Variants in GREM2 observed in about 807,000 individuals in gnomAD.
GREM2 encodes gremlin-2.
Under a neutral mutation model 14.2 loss-of-function variants are expected in GREM2, and 11 were observed. The ratio of observed to expected loss-of-function variants is 0.78; its 90% CI spans 0.49 to 1.28. The LOEUF (loss-of-function observed/expected upper bound fraction) is 1.28. Among genes scored for constraint, GREM2 ranks in the 50% most tolerant of loss-of-function variants. The pLI is 0.00. For synonymous variants in GREM2, 98 were observed against 97.6 expected (o/e 1.00, Z -0.02); for missense variants, 210 against 218.5 (o/e 0.96, Z 0.24).
Position 240,599,242 on chromosome 1 carries a change from G to A in GREM2, c.-2+12642C>T, listed in dbSNP as rs565095879. Among the ~76,000 whole-genome samples, 19 of 150,732 alleles carry A rather than the reference G, an allele frequency of 1.3e-4. No individual in the cohort carries two copies. The South Asian group carries it at 3.0e-3, about 24-fold the overall frequency. On this transcript the variant is annotated intron_variant, in intron 1 of 1. Transcript: ENST00000318160. ...AAGATCATGCCACTCCACTTCAGCC[G>A]GGGCAACAGAGTGAGACTCTGTCTC... is the stretch of plus-strand genomic sequence containing the variant.
chr1:240,565,846 C>CAAAAA (rs57078582), intron 1 of GREM2, among the ~76,000 whole-genome samples: 3 of 94,152 alleles, frequency 3.2e-5, no homozygotes, highest in Non-Finnish European at 2.3e-5. Context: ...ACTCTGTCTC[C>CAAAAA]AAAAAAAAAA....
chr1:240,546,836 G>A lies in GREM2; in HGVS notation c.-1-53360C>T, dbSNP rs114832244. The stretch of plus-strand genomic sequence containing the variant: ...CTAGCATCTTACATGTCAGTAACAC[G>A]AAGAGGTAACTCGTTCTTCAAGGGC... On this transcript the variant is annotated intron_variant, in intron 1 of 1. Transcript: ENST00000318160. Among the ~76,000 whole-genome samples the A allele has an allele frequency of 4.1e-3, 620 of 152,036 alleles. 3 individuals are homozygous for A. Among genetic ancestry groups the A allele is most frequent in the Admixed American group, 0.01 (158 of 15,280 alleles).
At chr1:240,598,554 C>T (rs1679863299) in intron 1 of GREM2, among the ~76,000 whole-genome samples, 1 of 152,190 alleles carries the variant, frequency 6.6e-6, no homozygotes. Flanking sequence ...CAGTCATCAG[C>T]AGTGCTGTCT....
At chr1:240,550,585 C>G (rs1031457650) in intron 1 of GREM2, among the ~76,000 whole-genome samples, 4 of 152,082 alleles carry the variant, frequency 2.6e-5, no homozygotes, top group African/African-American at 9.7e-5. Flanking sequence ...GAATAGGACA[C>G]AATGTAGCAT....
chr1:240,545,659 C>T (rs1572392147), intron 1 of GREM2, among the ~76,000 whole-genome samples: 1 of 152,170 alleles, frequency 6.6e-6, no homozygotes, highest in Non-Finnish European at 1.5e-5. Context: ...TCCAGGGAGA[C>T]AGCGTCAGAA....
intron 1 of GREM2, among the ~76,000 whole-genome samples, chr1:240,505,413 G>A (rs1487981259): frequency 2.6e-5 from 4 of 151,688 alleles, no homozygotes. Context: ...CTTCTTTCTA[G>A]GAAAAAGTAG....
Position 240,543,167 on chromosome 1 carries a change from A to G in GREM2, c.-1-49691T>C, listed in dbSNP as rs996072620. Among the ~76,000 whole-genome samples, 1 of 152,244 alleles carries G rather than the reference A, an allele frequency of 6.6e-6. No individual in the cohort carries two copies. Among genetic ancestry groups the G allele is most frequent in the Non-Finnish European group, 1.5e-5 (1 of 68,042 alleles). ...ATCAGATTGTGGATCACCTAAGGCTAGGGCCAGGCTTGCTTCACTGAAGAC... is the reference window on the plus strand; with the variant it reads ...ATCAGATTGTGGATCACCTAAGGCTGGGGCCAGGCTTGCTTCACTGAAGAC... On this transcript the variant is annotated intron_variant, in intron 1 of 1. Transcript: ENST00000318160. This position sits in a 1 kb window ranked among gnomAD's most constrained non-coding sequence, Gnocchi z 6.4.
chr1:240,519,807 G>A (rs1325295615), intron 1 of GREM2, among the ~76,000 whole-genome samples: 4 of 152,108 alleles, frequency 2.6e-5, no homozygotes, highest in African/African-American at 9.7e-5. Context: ...AAGTCCAGGA[G>A]CGGTGGCTCA....
At position 240,543,147 on chromosome 1, in the gene GREM2, A is replaced by T. The variant is rs1453718496; in HGVS notation, c.-1-49671T>A. Among the ~76,000 whole-genome samples the T allele has an allele frequency of 3.9e-5, 6 of 152,132 alleles. No individual in the cohort carries two copies. Among genetic ancestry groups the T allele is most frequent in the African/African-American group, 1.4e-4 (6 of 41,438 alleles). ...ACTATTATTTTACATCCCCCATCAG[A>T]TTGTGGATCACCTAAGGCTAGGGCC... On this transcript the variant is annotated intron_variant, in intron 1 of 1. Coordinates refer to ENST00000318160, the MANE Select transcript of GREM2 (RefSeq NM_022469.4). The surrounding 1 kb of genome is among the most constrained non-coding windows in gnomAD (Gnocchi z 6.4).
chr1:240,510,921 A>C (rs1024172068), intron 1 of GREM2, among the ~76,000 whole-genome samples: 17 of 152,186 alleles, frequency 1.1e-4, no homozygotes, highest in African/African-American at 3.6e-4. Flanking sequence ...AATTAATTTT[A>C]TTTTGGTTAC....
rs554324644 is a variant in GREM2, at chr1:240,562,889, AGTGT to A, written c.-2+48991_-2+48994del. On this transcript the variant is annotated intron_variant, in intron 1 of 1. Transcript: ENST00000318160. ...ATATGTGAGTGTGTATGTGTGTATGAGTGTGTATGTGTGTATGTATGTCTGTGAG... is the reference window on the plus strand; with the variant it reads ...ATATGTGAGTGTGTATGTGTGTATGAGTATGTGTGTATGTATGTCTGTGAG... Among the ~76,000 whole-genome samples the A allele has an allele frequency of 1.2e-4, 16 of 136,780 alleles. No individual in the cohort carries two copies. In the East Asian group the frequency reaches 3.1e-3, roughly 27 times the overall value. The allele number at this position is 136,780 out of a possible 152,430, so 89.7% of individuals were successfully genotyped here.
intron 1 of GREM2, among the ~76,000 whole-genome samples, chr1:240,539,046 C>A (rs550799297): frequency 6.6e-6 from 1 of 152,064 alleles, no homozygotes; most frequent in Non-Finnish European, 1.5e-5. Context: ...GCTGAGACAC[C>A]ATCTCATGCT....
intron 1 of GREM2, among the ~76,000 whole-genome samples, chr1:240,604,058 G>A (rs1392119431): frequency 1.3e-5 from 2 of 151,706 alleles, no homozygotes; most frequent in East Asian, 2.0e-4. Flanking sequence ...CACACAGTAA[G>A]AGAGGGAGCA....
At chr1:240,604,426 T>A (rs1044072549) in intron 1 of GREM2, among the ~76,000 whole-genome samples, 1 of 152,084 alleles carries the variant, frequency 6.6e-6, no homozygotes, top group African/African-American at 2.4e-5. Flanking sequence ...CTTCCATAAT[T>A]TTCAAGTAGT....
chr1:240,500,610 T>C (rs1165810088), intron 1 of GREM2, among the ~76,000 whole-genome samples: 1 of 152,126 alleles, frequency 6.6e-6, no homozygotes, highest in Non-Finnish European at 1.5e-5. Context: ...CAGCCGATAA[T>C]CTTTACATAA....
At chr1:240,531,326 T>A (rs1283862284) in intron 1 of GREM2, among the ~76,000 whole-genome samples, 1 of 152,206 alleles carries the variant, frequency 6.6e-6, no homozygotes, top group Non-Finnish European at 1.5e-5. Context: ...GGTGATATTA[T>A]TACAACTTTA....
intron 1 of GREM2, among the ~76,000 whole-genome samples, chr1:240,575,378 C>CT (rs1437765390): frequency 1.3e-5 from 2 of 148,630 alleles, no homozygotes; most frequent in Non-Finnish European, 3.0e-5. Flanking sequence ...AAGAATCAGG[C>CT]AAGTAAAGCA....
At chr1:240,593,578 G>A (rs1679754728) in intron 1 of GREM2, among the ~76,000 whole-genome samples, 1 of 152,158 alleles carries the variant, frequency 6.6e-6, no homozygotes, top group Non-Finnish European at 1.5e-5. Flanking sequence ...CAACGTATGT[G>A]TCATATGGAA....
chr1:240,532,501 T>C (rs1306024979), intron 1 of GREM2, among the ~76,000 whole-genome samples: 1 of 152,212 alleles, frequency 6.6e-6, no homozygotes, highest in Non-Finnish European at 1.5e-5. Flanking sequence ...CTTGCAATCA[T>C]TTCTAACTAA....
Sources: gnomAD v4.1 joint callset for allele counts (sites outside exome capture counted in the v4.1 genomes callset) on GRCh38, gnomAD v4.1.1 for gene constraint, Gnocchi (gnomAD v3.1) non-coding constraint, MANE v1.5 for transcripts, NCBI Gene and HGNC (gene_info 2026-07-23, HGNC 2026-07-21) for gene names.